DTNA: variants seen among roughly 807,000 people sequenced by gnomAD.
The protein encoded by DTNA is dystrophin-related protein 3.
DTNA carries 43 observed loss-of-function variants against 100.7 expected under a neutral mutation model. That is an observed-to-expected ratio of 0.43 (90% CI 0.33 to 0.55). DTNA has a LOEUF of 0.55. Ranked by LOEUF, DTNA falls within the 20% of genes least tolerant of loss-of-function variation. The pLI, the probability that DTNA is intolerant of heterozygous loss-of-function variation, is 0.04. For synonymous variants in DTNA, 349 were observed against 347.9 expected, an observed-to-expected ratio of 1.00 and a Z score of -0.04; for missense variants, 798 against 953.9, an observed-to-expected ratio of 0.84 and a Z score of 2.15.
intron 19 of DTNA, 122 bp downstream of exon 19, chr18:34,877,930 T>C (rs1192133334): frequency 1.0e-6 from 1 of 954,082 alleles, no homozygotes; most frequent in African/African-American, 1.7e-5. Context: ...CTCTATGTGA[T>C]ATTTTGTTGG....
rs567213204 is a variant in DTNA, at chr18:34,617,495, G to A, written c.-2+123981G>A. ...AAACCTACTTGATTGTGGTGGACTC[G>A]CTTTTTGATGTGCTGCTGGATTCAG... On this transcript the variant is annotated intron_variant, in intron 1 of 19. Transcript: ENST00000283365. 4.5e-4 allele frequency among the ~76,000 whole-genome samples: 68 copies of A among 152,186 alleles called. No individual in the cohort carries two copies. In the South Asian group the frequency reaches 0.011, roughly 25 times the overall value.
chr18:34,513,513 A>G (rs999199663), intron 1 of DTNA: 2 of 152,144 alleles, frequency 1.3e-5, no homozygotes, highest in African/African-American at 4.8e-5. Context: ...AATTCTCATT[A>G]GAGAATCCAT....
At chr18:34,559,162 A>G (rs1175449565) in intron 1 of DTNA, among the ~76,000 whole-genome samples, 8 of 152,252 alleles carry the variant, frequency 5.3e-5, no homozygotes, top group Non-Finnish European at 1.2e-4. Context: ...GAAGGTAGAT[A>G]GGATGAAGAG....
intron 1 of DTNA, among the ~76,000 whole-genome samples, chr18:34,627,372 A>G (rs1431867271): frequency 2.6e-5 from 4 of 152,084 alleles, no homozygotes; most frequent in African/African-American, 9.7e-5. Context: ...TTACTCTTCT[A>G]CTGAAGTCTC....
chr18:34,739,051 C>A (rs2090152822), intron 1 of DTNA, among the ~76,000 whole-genome samples: 1 of 152,214 alleles, frequency 6.6e-6, no homozygotes, highest in East Asian at 1.9e-4. Flanking sequence ...AGTTTTTCAA[C>A]CCTTTCTCCC....
At chr18:34,818,137 G>T in intron 7 of DTNA, 27 bp from the exon 8 acceptor site, 6 of 1,613,754 alleles carry the variant, frequency 3.7e-6, no homozygotes, top group Non-Finnish European at 5.1e-6. Context: ...TGTTTTCTTG[G>T]TTTTTCTTCA....
At chr18:34,673,069 A>G (rs2076965642) in intron 1 of DTNA, among the ~76,000 whole-genome samples, 2 of 152,012 alleles carry the variant, frequency 1.3e-5, no homozygotes, top group South Asian at 2.1e-4. Context: ...TTACCATGTA[A>G]GCCAATTATT....
intron 1 of DTNA, among the ~76,000 whole-genome samples, chr18:34,713,331 TA>T (rs1418937233): frequency 6.6e-6 from 1 of 152,202 alleles, no homozygotes; most frequent in African/African-American, 2.4e-5. Flanking sequence ...TAATAGCATT[TA>T]TAAGTCACTA....
intron 1 of DTNA, among the ~76,000 whole-genome samples, chr18:34,512,699 T>A (rs1362598184): frequency 6.6e-6 from 1 of 152,050 alleles, no homozygotes; most frequent in African/African-American, 2.4e-5. Flanking sequence ...TTACATAAAT[T>A]GCTGAGCATA....
intron 1 of DTNA, among the ~76,000 whole-genome samples, chr18:34,569,515 G>C (rs2047383824): frequency 6.6e-6 from 1 of 152,162 alleles, no homozygotes; most frequent in Non-Finnish European, 1.5e-5. Flanking sequence ...ACTGAGTCTT[G>C]AGAAGAACCA....
intron 1 of DTNA, among the ~76,000 whole-genome samples, chr18:34,715,320 T>G (rs1014077082): frequency 7.2e-5 from 11 of 152,262 alleles, no homozygotes; most frequent in Middle Eastern, 3.4e-3. Flanking sequence ...ATTAGTTATA[T>G]TTTTAGTATA....
intron 1 of DTNA, among the ~76,000 whole-genome samples, chr18:34,612,421 C>T (rs181133497): frequency 6.6e-6 from 1 of 152,210 alleles, no homozygotes; most frequent in Non-Finnish European, 1.5e-5. Flanking sequence ...TGTACAAATG[C>T]TCAACCTGAG....
chr18:34,827,724 C>A, intron 10 of DTNA, 48 bp downstream of exon 10: 1 of 1,562,712 alleles, frequency 6.4e-7, no homozygotes, highest in Non-Finnish European at 8.8e-7. Flanking sequence ...TGGTAATGAG[C>A]CTTGATTCTG....
Position 34,776,280 on chromosome 18 carries a change from A to G in DTNA, c.148+10239A>G, listed in dbSNP as rs535679616. Among the ~76,000 whole-genome samples, 10 of 152,314 alleles carry G rather than the reference A, an allele frequency of 6.6e-5. No homozygotes were observed. The South Asian group carries it at 1.0e-3, about 16-fold the overall frequency. On this transcript the variant is annotated intron_variant, in intron 3 of 22. Coordinates refer to ENST00000444659, the MANE Select transcript of DTNA (RefSeq NM_001386795.1). Reference sequence around the variant, plus strand: ...AGTCAAAAGTCAACCATTCTGAGTAATGACACCCCCAAAGCATCCTCCAAA... The same window carrying G: ...AGTCAAAAGTCAACCATTCTGAGTAGTGACACCCCCAAAGCATCCTCCAAA...
chr18:34,565,479 G>C (rs1598616356), intron 1 of DTNA, among the ~76,000 whole-genome samples: 1 of 152,280 alleles, frequency 6.6e-6, no homozygotes, highest in East Asian at 1.9e-4. Context: ...TGAAAAAACA[G>C]ACATTTATTT....
intron 1 of DTNA, among the ~76,000 whole-genome samples, chr18:34,565,604 A>G (rs2047015077): frequency 6.6e-6 from 1 of 152,266 alleles, no homozygotes; most frequent in East Asian, 1.9e-4. Flanking sequence ...GATGGCCCAG[A>G]GCATTCTTTG....
chr18:34,680,097 G>T (rs1367879871), intron 1 of DTNA, among the ~76,000 whole-genome samples: 1 of 152,072 alleles, frequency 6.6e-6, no homozygotes, highest in Non-Finnish European at 1.5e-5. Flanking sequence ...TGCGCTTATT[G>T]GGAGGTTTTG....
intron 5 of DTNA, among the ~76,000 whole-genome samples, chr18:34,806,941 T>C (rs1352979790): frequency 6.6e-6 from 1 of 152,178 alleles, no homozygotes; most frequent in East Asian, 1.9e-4. Flanking sequence ...GTTTGTTTGC[T>C]TTAGGTAAAG....
chr18:34,673,886 C>T (rs2145189503), intron 1 of DTNA, among the ~76,000 whole-genome samples: 1 of 152,262 alleles, frequency 6.6e-6, no homozygotes, highest in Middle Eastern at 3.4e-3. Flanking sequence ...TCTTATACTT[C>T]TCAAATATCT....
Sources: gnomAD v4.1 joint callset for allele counts (sites outside exome capture counted in the v4.1 genomes callset) on GRCh38, gnomAD v4.1.1 for gene constraint, MANE v1.5 for transcripts, NCBI Gene and HGNC (gene_info 2026-07-23, HGNC 2026-07-21) for gene names.